Variants in MPP7 observed in about 807,000 individuals in gnomAD.
MPP7 encodes MAGUK p55 scaffold protein 7, also known as MAGUK p55 subfamily member 7.
MPP7 carries 60 observed loss-of-function variants against 76.5 expected under a neutral mutation model. That is an observed-to-expected ratio of 0.78 (90% confidence interval 0.64 to 0.97). The LOEUF is 0.97. MPP7 is among the 50% of genes least tolerant of loss of function. The probability of loss-of-function intolerance (pLI) is 0.00; values close to 1 mark genes in which losing one functional copy is unlikely to be tolerated. For synonymous variants in MPP7, 237 were observed against 244.5 expected, an observed-to-expected ratio of 0.97 and a Z score of 0.29; for missense variants, 641 against 694.0, an observed-to-expected ratio of 0.92 and a Z score of 0.86.
At chr10:28,242,596 C>T (rs76211418) in intron 1 of MPP7, among the ~76,000 whole-genome samples, 5,419 of 152,268 alleles carry the variant, frequency 0.036, 185 homozygotes, top group African/African-American at 0.081. Flanking sequence ...TAGTGGTCTC[C>T]AGGACCCTTC....
rs752758104 is a variant in MPP7 at position 28,054,142 on chromosome 10, A to G, written c.1654T>C (p.Phe552Leu). The G allele has an allele frequency of 1.2e-6, 2 of 1,612,174 alleles. No individual in the cohort carries two copies. Among genetic ancestry groups the G allele is most frequent in the East Asian group, 4.5e-5 (2 of 44,844 alleles). The change falls in exon 17 of 17, where the codon TTC (phenylalanine) becomes CTC (leucine). Residue 552 changes from phenylalanine (F) to leucine (L), a missense_variant. Coordinates refer to ENST00000683449, the MANE Select transcript of MPP7 (RefSeq NM_001318170.2). Reference protein sequence around the residue: ...IIINDDLTVAFNELKTTFDKL... With the variant: ...IIINDDLTVALNELKTTFDKL... ...TCAAAAGTTGTTTTGAGCTCATTGA[A>G]TGCCACAGTGAGGTCATCATTTATT...
rs571785132 is a variant in MPP7 at position 28,229,973 on chromosome 10, TACATGAC to T, written c.37+8588_37+8594del. Among the ~76,000 whole-genome samples the T allele has an allele frequency of 4.8e-3, 725 of 151,988 alleles. 3 individuals are homozygous for T. Among genetic ancestry groups the T allele is most frequent in the Non-Finnish European group, 8.4e-3 (571 of 67,976 alleles). ...TTTTATTTTAAAAAGAGAATGAAAATACATGACACAGTAGCATGTAAGTTGGGAACAT... is the reference window on the plus strand; with the variant it reads ...TTTTATTTTAAAAAGAGAATGAAAATACAGTAGCATGTAAGTTGGGAACAT... On this transcript the variant is annotated intron_variant, in intron 2 of 16. Coordinates refer to ENST00000683449, the MANE Select transcript of MPP7 (RefSeq NM_001318170.2).
intron 3 of MPP7, among the ~76,000 whole-genome samples, chr10:28,196,928 ACT>A (rs1837602206): frequency 6.6e-6 from 1 of 151,914 alleles, no homozygotes. Context: ...AATGGTTCCC[ACT>A]CTCTTAGAAG....
intron 3 of MPP7, among the ~76,000 whole-genome samples, chr10:28,194,396 C>T (rs1159642959): frequency 6.6e-6 from 1 of 152,032 alleles, no homozygotes; most frequent in Non-Finnish European, 1.5e-5. Context: ...TGCAAACTTA[C>T]ATCTACACAA....
At chr10:28,216,679 C>A (rs1838320102) in intron 2 of MPP7, among the ~76,000 whole-genome samples, 1 of 152,168 alleles carries the variant, frequency 6.6e-6, no homozygotes, top group South Asian at 2.1e-4. Flanking sequence ...TGGAGATGAC[C>A]AGCTATGGCA....
Position 28,053,248 on chromosome 10 carries a change from T to C in MPP7, c.*817A>G, listed in dbSNP as rs1851425393. The stretch of plus-strand genomic sequence containing the variant: ...AATCCAAAACCAGCTAAAATAACAT[T>C]TTGGGTGACTTCATAAATTGTCTTC... On this transcript the variant is annotated 3_prime_UTR_variant, in exon 17 of 17. Transcript: ENST00000683449. 1 of 152,200 alleles carries C rather than the reference T, an allele frequency of 6.6e-6. No homozygotes were observed. The highest frequency in any genetic ancestry group is 1.5e-5 in the Non-Finnish European group (1 of 68,032). 9.4% of individuals were successfully genotyped at this position (152,200 alleles called of 1,614,324 possible).
chr10:28,062,638 T>C (rs974314918), intron 13 of MPP7, among the ~76,000 whole-genome samples: 3 of 149,196 alleles, frequency 2.0e-5, no homozygotes, highest in Non-Finnish European at 4.4e-5. Flanking sequence ...AAGAGAATAA[T>C]GGCAGACAAA....
intron 5 of MPP7, among the ~76,000 whole-genome samples, chr10:28,141,381 A>C (rs1421754283): frequency 1.3e-5 from 2 of 152,140 alleles, no homozygotes; most frequent in African/African-American, 4.8e-5. Context: ...ATATCAAGGC[A>C]ATAAGGTAAC....
intron 11 of MPP7, among the ~76,000 whole-genome samples, chr10:28,095,083 A>G (rs11006857): frequency 0.011 from 1,748 of 152,060 alleles, 36 homozygotes; most frequent in African/African-American, 0.039. Context: ...TTACATTGAA[A>G]GAAAGTATCC....
Position 28,248,355 on chromosome 10 carries a change from C to T in MPP7, c.-131-9620G>A, listed in dbSNP as rs140205538. Among the ~76,000 whole-genome samples the T allele has an allele frequency of 5.3e-5, 8 of 152,270 alleles. No individual in the cohort carries two copies. In the East Asian group the frequency reaches 1.5e-3, roughly 29 times the overall value. ...CTGTCAGCCACTTCCTATTCATACA[C>T]TCCCGGGAGGAGACATGCCCTCACA... On this transcript the variant is annotated intron_variant, in intron 1 of 16. Transcript: ENST00000683449.
Position 28,119,658 on chromosome 10 carries a change from C to T in MPP7, c.945G>A (p.Arg315=), listed in dbSNP as rs1298951588. 1 of 1,613,092 alleles carries T rather than the reference C, an allele frequency of 6.2e-7. No homozygotes were observed. Among genetic ancestry groups the T allele is most frequent in the Non-Finnish European group, 8.5e-7 (1 of 1,179,450 alleles). The change falls in exon 11 of 17, where the codon AGG becomes AGA. Residue 315 remains arginine, a synonymous_variant. Transcript: ENST00000683449. ...TCTTATTAACAAACTTACATGATTTCCTGTTGGAAACTTTCAGGGGCTGAA... is the reference window on the plus strand; with the variant it reads ...TCTTATTAACAAACTTACATGATTTTCTGTTGGAAACTTTCAGGGGCTGAA... The part of the protein sequence containing the change: ...ILVQPLKVSN[R]KSSGFRKSFR...
intron 1 of MPP7, among the ~76,000 whole-genome samples, chr10:28,285,949 G>A (rs1367746266): frequency 6.6e-6 from 1 of 151,914 alleles, no homozygotes; most frequent in Non-Finnish European, 1.5e-5. Flanking sequence ...TAAAAGATGA[G>A]GAAAGTCTAT....
intron 12 of MPP7, among the ~76,000 whole-genome samples, chr10:28,073,297 T>C (rs546976550): frequency 6.6e-6 from 1 of 152,068 alleles, no homozygotes; most frequent in Non-Finnish European, 1.5e-5. Context: ...ACAATACCCC[T>C]GTTTTGCCTC....
intron 1 of MPP7, among the ~76,000 whole-genome samples, chr10:28,271,162 G>A (rs563703863): frequency 3.7e-4 from 57 of 152,202 alleles, no homozygotes; most frequent in Non-Finnish European, 7.6e-4. Flanking sequence ...AATTTGCAAT[G>A]TATCTTTCCA....
At chr10:28,303,081 G>C (rs1483493741), upstream of MPP7, among the ~76,000 whole-genome samples, 1 of 152,186 alleles carries the variant, frequency 6.6e-6, no homozygotes, top group African/African-American at 2.4e-5. Flanking sequence ...CCCACCCTCG[G>C]AGGGGCGGGA....
In MPP7 at chr10:28,052,663, C is replaced by T. The variant is rs919057295; in HGVS notation, c.*1402G>A. On this transcript the variant is annotated 3_prime_UTR_variant, in exon 17 of 17. Transcript: ENST00000683449. Reference sequence around the variant, plus strand: ...CAATCAGTTTATTTTATGAATAGCCCCGTTTGATATTTAAAAAAATATGCC... The same window carrying T: ...CAATCAGTTTATTTTATGAATAGCCTCGTTTGATATTTAAAAAAATATGCC... The T allele has an allele frequency of 6.6e-6, 1 of 152,134 alleles. No individual in the cohort carries two copies. Among genetic ancestry groups the T allele is most frequent in the Admixed American group, 6.6e-5 (1 of 15,216 alleles). The allele number at this position is 152,134 out of a possible 1,614,324, so 9.4% of individuals were successfully genotyped here.
chr10:28,248,766 G>C (rs1350775967), intron 1 of MPP7, among the ~76,000 whole-genome samples: 2 of 152,156 alleles, frequency 1.3e-5, no homozygotes, highest in Non-Finnish European at 2.9e-5. Flanking sequence ...CCAATTGCCA[G>C]AAATATCCAG....
rs148612851 is a variant in MPP7 at position 28,312,242 on chromosome 10, T to C, written c.-132+17687A>G. ...TTCTGTCCTATCAGAGTGCCCTTTT[T>C]TCAGTCCTCCCCACGATTGGCTACT... is the stretch of plus-strand genomic sequence containing the variant. On this transcript the variant is annotated intron_variant, in intron 2 of 11. Transcript: ENST00000441595. Among the ~76,000 whole-genome samples, 61 of 152,312 alleles carry C rather than the reference T, an allele frequency of 4.0e-4. 1 individual carries two copies. The East Asian group carries it at 0.012, about 29-fold the overall frequency.
At chr10:28,142,856 C>A (rs1310500371) in intron 5 of MPP7, among the ~76,000 whole-genome samples, 1 of 152,150 alleles carries the variant, frequency 6.6e-6, no homozygotes, top group African/African-American at 2.4e-5. Flanking sequence ...TCTGTCTTAA[C>A]AACAAGCTGG....
Sources: gnomAD v4.1 joint callset for allele counts (sites outside exome capture counted in the v4.1 genomes callset) on GRCh38, gnomAD v4.1.1 for gene constraint, MANE v1.5 for transcripts, NCBI Gene and HGNC (gene_info 2026-07-23, HGNC 2026-07-21) for gene names.